UGT1A5: variants seen among roughly 807,000 people sequenced by gnomAD.
UGT1A5 encodes UDP-glucuronosyltransferase 1A5.
A neutral mutation model predicts 40.3 loss-of-function variants in UGT1A5; 29 were observed. The observed-to-expected ratio is 0.72, with a 90% CI of 0.54 to 0.98. The LOEUF is 0.98. Ranked by LOEUF, UGT1A5 falls within the 50% of genes least tolerant of loss-of-function variation. The pLI, the probability that UGT1A5 is intolerant of heterozygous loss-of-function variation, is 0.00. For synonymous variants in UGT1A5, 257 were observed against 262.5 expected (o/e 0.98, Z 0.20); for missense variants, 678 against 677.9 (o/e 1.00, Z 0.00).
chr2:233,745,132 TG>T (rs1669104156), intron 1 of UGT1A5, among the ~76,000 whole-genome samples: 1 of 151,914 alleles, frequency 6.6e-6, no homozygotes, highest in Admixed American at 6.5e-5. Context: ...TCTGCAGATG[TG>T]AAGCCCAAGT....
Position 233,754,628 on chromosome 2 carries a change from C to T in UGT1A5, c.868-12406C>T, listed in dbSNP as rs183484892. ...ACTCTCCATCTTCCTCCACTTCCAC[C>T]CTTTCTTGGCCATTCTCAATGATTC... On this transcript the variant is annotated intron_variant, in intron 1 of 4. Coordinates refer to ENST00000373414, the MANE Select transcript of UGT1A5 (RefSeq NM_019078.2). The T allele has an allele frequency of 4.7e-3, 2,102 of 443,188 alleles. 38 individuals are homozygous for T. The highest frequency in any genetic ancestry group is 0.023 in the South Asian group (1,446 of 63,040). 27.5% of individuals were successfully genotyped at this position (443,188 alleles called of 1,614,324 possible). A position where few individuals can be genotyped will look rare whatever the true frequency, so the allele number is the denominator to read the frequency against.
rs1398367800 is a variant in UGT1A5, at chr2:233,713,548, A to G, written c.557A>G (p.Gln186Arg). The G allele has an allele frequency of 6.8e-6, 11 of 1,613,866 alleles. No individual in the cohort carries two copies. Among genetic ancestry groups the G allele is most frequent in the Admixed American group, 1.7e-5 (1 of 59,998 alleles). ...IPCDLDFKGT[Q>R]CPNPSSYIPR... ...TGTGATTTAGACTTTAAGGGCACAC[A>G]GTGTCCAAACCCTTCCTCCTATATT... Residue 186 changes from glutamine (Q) to arginine (R), a missense_variant, in exon 1 of 5, where the codon CAG becomes CGG. Gln to Arg is a conservative substitution (Grantham distance 43). Coordinates refer to ENST00000373414, the MANE Select transcript of UGT1A5 (RefSeq NM_019078.2).
chr2:233,729,225 G>A (rs376743890), intron 1 of UGT1A5: 6 of 1,614,040 alleles, frequency 3.7e-6, no homozygotes, highest in Admixed American at 1.7e-5. Context: ...AGGTGTTGGT[G>A]GTGCCCATTG....
intron 1 of UGT1A5, chr2:233,719,286 C>G (rs1465114425): frequency 6.2e-7 from 1 of 1,613,964 alleles, no homozygotes; most frequent in African/African-American, 1.3e-5. Flanking sequence ...CCCCGTTAAC[C>G]TCTGTGGGGC....
At chr2:233,746,037 G>A (rs1056217183) in intron 1 of UGT1A5, among the ~76,000 whole-genome samples, 1 of 151,708 alleles carries the variant, frequency 6.6e-6, no homozygotes, top group African/African-American at 2.4e-5. Context: ...CTTACTTGCT[G>A]GCTTGGATGC....
intron 1 of UGT1A5, among the ~76,000 whole-genome samples, chr2:233,735,381 C>G (rs1160790318): frequency 6.6e-6 from 1 of 152,068 alleles, no homozygotes; most frequent in Non-Finnish European, 1.5e-5. Context: ...TCCTCCATCC[C>G]TTTATTTTGA....
rs1378719949 is a variant in UGT1A5, at chr2:233,755,434, G to A, written c.868-11600G>A. 1.3e-5 allele frequency: 4 copies of A among 316,454 alleles called. No homozygotes were observed. In the East Asian group the frequency reaches 3.3e-4, roughly 26 times the overall value. The allele number at this position is 316,454 out of a possible 1,614,324, so 19.6% of individuals were successfully genotyped here. A position where few individuals can be genotyped will look rare whatever the true frequency, so the allele number is the denominator to read the frequency against. ...GGCCTGTGAGCGCCTCGCATCCCAA[G>A]ATGCAGTGCTCCTGGGACTGGCCCT... On this transcript the variant is annotated intron_variant, in intron 1 of 4. Coordinates refer to ENST00000373414, the MANE Select transcript of UGT1A5 (RefSeq NM_019078.2).
At chr2:233,759,038 G>T (rs1395341840) in intron 1 of UGT1A5, among the ~76,000 whole-genome samples, 2 of 152,168 alleles carry the variant, frequency 1.3e-5, no homozygotes, top group African/African-American at 2.4e-5. Context: ...TTGGTTTCCT[G>T]TTGTGAACAA....
rs1485888079 is a variant in UGT1A5 at position 233,751,702 on chromosome 2, C to A, written c.868-15332C>A. On this transcript the variant is annotated intron_variant, in intron 1 of 4. Coordinates refer to ENST00000373414, the MANE Select transcript of UGT1A5 (RefSeq NM_019078.2). ...GCTGATGGTTTTATAAGGGGCTCTT[C>A]CTCCTTCACTCACAAGTGAACTCTT... is the stretch of plus-strand genomic sequence containing the variant. Among the ~76,000 whole-genome samples, 4 of 152,152 alleles carry A rather than the reference C, an allele frequency of 2.6e-5. No individual in the cohort carries two copies. In the South Asian group the frequency reaches 8.3e-4, roughly 32 times the overall value.
chr2:233,760,050 C>T (rs995974685), intron 1 of UGT1A5, among the ~76,000 whole-genome samples: 2 of 152,142 alleles, frequency 1.3e-5, no homozygotes, highest in Admixed American at 6.5e-5. Context: ...TGTGTTCACT[C>T]AAGAATGTGA....
chr2:233,719,099 G>T, intron 1 of UGT1A5: 3 of 1,614,244 alleles, frequency 1.9e-6, no homozygotes, highest in Non-Finnish European at 2.5e-6. Flanking sequence ...ATCGCGTTAC[G>T]CTGGGCTACA....
rs1249114309 is a variant in UGT1A5 at position 233,713,370 on chromosome 2, T to A, written c.379T>A (p.Ser127Thr). The change falls in exon 1 of 5, where the codon TCT becomes ACT. Residue 127 changes from serine (S) to threonine (T), a missense_variant. Ser to Thr is a moderately conservative substitution (Grantham distance 58). Coordinates refer to ENST00000373414, the MANE Select transcript of UGT1A5 (RefSeq NM_019078.2). ...MNNMSLIIHR[S>T]CVELLHNEAL... ...CAATATGTCTTTGATCATACATAGG[T>A]CTTGTGTGGAGCTACTGCATAATGA... 6.2e-7 allele frequency: 1 copy of A among 1,613,964 alleles called. No individual in the cohort carries two copies. The highest frequency in any genetic ancestry group is 1.7e-5 in the Admixed American group (1 of 59,990).
intron 1 of UGT1A5, chr2:233,753,536 C>G (rs1575719144): frequency 6.6e-6 from 1 of 152,188 alleles, no homozygotes. Flanking sequence ...CTCATGCAAA[C>G]TTTTCCTCAG....
chr2:233,772,009 A>G (rs1267109388), intron 4 of UGT1A5, among the ~76,000 whole-genome samples: 2 of 152,192 alleles, frequency 1.3e-5, no homozygotes, highest in African/African-American at 4.8e-5. Context: ...GCTACTCTGG[A>G]GGCTGAGGCA....
At chr2:233,735,575 C>T (rs1354708625) in intron 1 of UGT1A5, among the ~76,000 whole-genome samples, 1 of 152,032 alleles carries the variant, frequency 6.6e-6, no homozygotes, top group Non-Finnish European at 1.5e-5. Flanking sequence ...GGTTATTTTG[C>T]CCGTTAATTG....
chr2:233,735,337 CT>C (rs939538517), intron 1 of UGT1A5, among the ~76,000 whole-genome samples: 5 of 150,880 alleles, frequency 3.3e-5, no homozygotes, highest in East Asian at 3.9e-4. Flanking sequence ...GCAACCCCTG[CT>C]TTTTTTTTGC....
rs1248419431 is a variant in UGT1A5 at position 233,713,830 on chromosome 2, A to C, written c.839A>C (p.Asn280Thr). ...MPNMVFIGGINCANGKPLSQE... is the reference protein window; with the variant it reads ...MPNMVFIGGITCANGKPLSQE... ...AACATGGTCTTCATTGGGGGCATCA[A>C]CTGTGCCAACGGGAAGCCACTATCT... The change falls in exon 1 of 5, where the codon AAC (asparagine) becomes ACC (threonine). Residue 280 changes from asparagine (N) to threonine (T), a missense_variant. Physicochemically the swap from Asn to Thr is moderately conservative, Grantham distance 65 (BLOSUM62 0). Transcript: ENST00000373414. The C allele has an allele frequency of 5.0e-6, 8 of 1,613,954 alleles. No homozygotes were observed. Among genetic ancestry groups the C allele is most frequent in the Non-Finnish European group, 6.8e-6 (8 of 1,179,980 alleles).
chr2:233,763,382 T>G (rs1698295022), intron 1 of UGT1A5, among the ~76,000 whole-genome samples: 1 of 152,252 alleles, frequency 6.6e-6, no homozygotes, highest in South Asian at 2.1e-4. Context: ...GCTTTCTTCC[T>G]TTTTAAACAA....
In UGT1A5 at chr2:233,769,947, C is replaced by T. The variant is rs202080312; in HGVS notation, c.1307+1508C>T. On this transcript the variant is annotated intron_variant, in intron 4 of 4. Coordinates refer to ENST00000373414, the MANE Select transcript of UGT1A5 (RefSeq NM_019078.2). The surrounding 1 kb of genome is among the most constrained non-coding windows in gnomAD (Gnocchi z 4.4). ...GTGTGGTCCCATTCCTTCCTTCCAG[C>T]GGCTTCTTCTGGCCACCTCAATGTC... The T allele has an allele frequency of 2.2e-5, 5 of 224,160 alleles. No homozygotes were observed. Among genetic ancestry groups the T allele is most frequent in the Non-Finnish European group, 3.5e-5 (4 of 114,192 alleles). 13.9% of individuals were successfully genotyped at this position (224,160 alleles called of 1,614,324 possible). A position where few individuals can be genotyped will look rare whatever the true frequency, so the allele number is the denominator to read the frequency against.
Sources: allele counts gnomAD v4.1 joint callset (sites outside exome capture counted in the v4.1 genomes callset), GRCh38; gene constraint gnomAD v4.1.1; non-coding constraint Gnocchi (gnomAD v3.1); transcripts MANE v1.5; gene names NCBI Gene and HGNC (gene_info 2026-07-23, HGNC 2026-07-21).